Variants in SMYD3 observed in about 807,000 individuals in gnomAD.
SMYD3 encodes the protein histone-lysine N-methyltransferase SMYD3.
Under a neutral mutation model 57.7 loss-of-function variants are expected in SMYD3, and 36 were observed. The observed-to-expected ratio is 0.62, with a 90% CI of 0.48 to 0.82. The LOEUF (loss-of-function observed/expected upper bound fraction) is 0.82. Among genes scored for constraint, SMYD3 ranks in the 40% least tolerant of loss-of-function variants. The pLI is 0.00. For missense variants in SMYD3, 515 were observed against 538.8 expected (o/e 0.96, Z 0.44); for synonymous variants, 211 against 195.0 (o/e 1.08, Z -0.68).
chr1:246,507,259 G>A lies in SMYD3; in HGVS notation c.-42C>T, dbSNP rs1323904448. On this transcript the variant is annotated 5_prime_UTR_variant, in exon 1 of 12. Coordinates refer to ENST00000490107, the MANE Select transcript of SMYD3 (RefSeq NM_001167740.2). The stretch of plus-strand genomic sequence containing the variant: ...CACCTCAGACGGCTACCCGCGTCCA[G>A]CAGCGGGCGTCTCACGGGCTGCCGG... 2.7e-6 allele frequency: 4 copies of A among 1,455,378 alleles called. No homozygotes were observed. Among genetic ancestry groups the A allele is most frequent in the African/African-American group, 3.0e-5 (2 of 67,716 alleles). 90.2% of individuals were successfully genotyped at this position (1,455,378 alleles called of 1,614,324 possible).
chr1:246,131,538 T>G (rs2061587819), intron 5 of SMYD3, among the ~76,000 whole-genome samples: 1 of 152,206 alleles, frequency 6.6e-6, no homozygotes, highest in Non-Finnish European at 1.5e-5. Context: ...CGTTACTTCA[T>G]AGTCAACCCA....
chr1:246,475,721 C>T (rs1375231297), intron 1 of SMYD3, among the ~76,000 whole-genome samples: 1 of 151,976 alleles, frequency 6.6e-6, no homozygotes, highest in Non-Finnish European at 1.5e-5. Context: ...CTCAAGCAAT[C>T]CTCCCGCCTC....
chr1:246,433,703 G>A (rs575273700), intron 1 of SMYD3, among the ~76,000 whole-genome samples: 1 of 152,182 alleles, frequency 6.6e-6, no homozygotes, highest in Admixed American at 6.5e-5. Flanking sequence ...ACTGCCCAAA[G>A]CAATCTACAG....
intron 4 of SMYD3, among the ~76,000 whole-genome samples, chr1:246,329,543 T>G (rs1052126597): frequency 4.6e-5 from 7 of 152,062 alleles, no homozygotes; most frequent in Admixed American, 2.6e-4. Context: ...GGGTTGTTTG[T>G]TTTTTTCTTG....
intron 6 of SMYD3, 30 bp from the exon 7 acceptor site, chr1:245,928,063 C>T (rs374960548): frequency 6.4e-6 from 10 of 1,568,482 alleles, no homozygotes; most frequent in South Asian, 2.2e-5. Context: ...AAGACTGTCA[C>T]AGCTCAGCAG....
chr1:245,786,216 G>C (rs555385006), intron 10 of SMYD3, among the ~76,000 whole-genome samples: 9 of 138,316 alleles, frequency 6.5e-5, no homozygotes, highest in South Asian at 4.8e-4. Context: ...GTGTGGACGG[G>C]GGGGGGATGG....
chr1:245,913,946 A>C (rs1033204416), intron 8 of SMYD3, among the ~76,000 whole-genome samples: 14 of 152,236 alleles, frequency 9.2e-5, no homozygotes, highest in African/African-American at 3.4e-4. Context: ...GACTATTATC[A>C]AAAAGACCAA....
chr1:245,791,082 C>T (rs1181500474), intron 10 of SMYD3, among the ~76,000 whole-genome samples: 1 of 152,120 alleles, frequency 6.6e-6, no homozygotes, highest in South Asian at 2.1e-4. Flanking sequence ...ACCCAGGCTG[C>T]ATGTCTTCAA....
chr1:246,156,737 C>T (rs1041492906), intron 5 of SMYD3, among the ~76,000 whole-genome samples: 2 of 152,138 alleles, frequency 1.3e-5, no homozygotes, highest in Non-Finnish European at 2.9e-5. Flanking sequence ...AAAACGGGCA[C>T]CTTAATCAGA....
At chr1:246,397,764 A>T (rs2066696199) in intron 1 of SMYD3, among the ~76,000 whole-genome samples, 1 of 152,066 alleles carries the variant, frequency 6.6e-6, no homozygotes, top group Admixed American at 6.6e-5. Context: ...AAGCTCGGGG[A>T]CCAGGGCTTT....
At chr1:245,926,587 A>C (rs1283853659) in intron 7 of SMYD3, among the ~76,000 whole-genome samples, 4 of 152,198 alleles carry the variant, frequency 2.6e-5, no homozygotes, top group Admixed American at 2.6e-4. Flanking sequence ...AGCAGCACCT[A>C]AAGACAAGGT....
intron 1 of SMYD3, among the ~76,000 whole-genome samples, chr1:246,440,344 G>A (rs1444534803): frequency 6.6e-6 from 1 of 152,056 alleles, no homozygotes; most frequent in Non-Finnish European, 1.5e-5. Flanking sequence ...CCCACAAATT[G>A]AGTACTTACC....
intron 4 of SMYD3, among the ~76,000 whole-genome samples, chr1:246,327,682 T>C (rs1457963121): frequency 1.3e-5 from 2 of 152,226 alleles, no homozygotes; most frequent in Non-Finnish European, 2.9e-5. Flanking sequence ...TCTTATTAAG[T>C]CAGTAAACTT....
intron 5 of SMYD3, among the ~76,000 whole-genome samples, chr1:246,053,716 G>A (rs2060101471): frequency 6.6e-6 from 1 of 152,050 alleles, no homozygotes. Flanking sequence ...TCGAGAGGCT[G>A]AGACAAGAGG....
chr1:245,860,226 C>A (rs2051463396), intron 9 of SMYD3, among the ~76,000 whole-genome samples: 1 of 152,120 alleles, frequency 6.6e-6, no homozygotes, highest in Admixed American at 6.5e-5. Flanking sequence ...TCTGTGCCAT[C>A]CCCTGCCCCC....
chr1:245,833,073 A>AAAAAAAAAAAAAAAAAAACACAAC lies in SMYD3; in HGVS notation c.1076+25422_1076+25423insGTTGTGTTTTTTTTTTTTTTTTTT. On this transcript the variant is annotated intron_variant, in intron 10 of 11. Transcript: ENST00000490107. ...GGAATATGTGACAAAAAAAAAAAAAAAACCTGCTTTTATAATGCTGATTCA... is the reference window on the plus strand; with the variant it reads ...GGAATATGTGACAAAAAAAAAAAAAAAAAAAAAAAAAAAAAAAACACAACAACCTGCTTTTATAATGCTGATTCA... Among the ~76,000 whole-genome samples, 577 of 128,404 alleles carry AAAAAAAAAAAAAAAAAAACACAAC rather than the reference A, an allele frequency of 4.5e-3. 15 individuals are homozygous for AAAAAAAAAAAAAAAAAAACACAAC. The highest frequency in any genetic ancestry group is 8.8e-3 in the South Asian group (28 of 3,192). 84.2% of individuals were successfully genotyped at this position (128,404 alleles called of 152,430 possible). A position where few individuals can be genotyped will look rare whatever the true frequency, so the allele number is the denominator to read the frequency against.
At chr1:246,398,168 A>C (rs909603587) in intron 1 of SMYD3, among the ~76,000 whole-genome samples, 7 of 152,238 alleles carry the variant, frequency 4.6e-5, no homozygotes, top group Admixed American at 3.9e-4. Context: ...TGGTCTAACT[A>C]TCCCTACATC....
intron 1 of SMYD3, among the ~76,000 whole-genome samples, chr1:246,372,919 TAAGAGAACTG>T (rs2066215334): frequency 6.6e-6 from 1 of 152,206 alleles, no homozygotes; most frequent in South Asian, 2.1e-4. Flanking sequence ...GGAAAAATTC[TAAGAGAACTG>T]AAGAGAACTG....
chr1:246,072,345 A>G (rs112832432), intron 5 of SMYD3, among the ~76,000 whole-genome samples: 1 of 128,544 alleles, frequency 7.8e-6, no homozygotes, highest in Non-Finnish European at 1.7e-5. Context: ...CTGTCGCTGC[A>G]TCGTGTTAGT....
Sources: gnomAD v4.1 joint callset for allele counts (sites outside exome capture counted in the v4.1 genomes callset) on GRCh38, gnomAD v4.1.1 for gene constraint, MANE v1.5 for transcripts, NCBI Gene and HGNC (gene_info 2026-07-23, HGNC 2026-07-21) for gene names.